The following CNTN5 variants were observed in gnomAD, a reference collection of about 807,000 sequenced individuals.
CNTN5 encodes contactin-5.
CNTN5 carries 77 observed loss-of-function variants against 129.1 expected under a neutral mutation model. The ratio of observed to expected loss-of-function variants is 0.60; its 90% CI spans 0.50 to 0.72. CNTN5 has a LOEUF of 0.72. Among genes scored for constraint, CNTN5 ranks in the 30% least tolerant of loss-of-function variants. The pLI is 0.00. For synonymous variants in CNTN5, 509 were observed against 465.6 expected, an observed-to-expected ratio of 1.09 and a Z score of -1.20; for missense variants, 1,478 against 1,328.8, an observed-to-expected ratio of 1.11 and a Z score of -1.75.
chr11:99,728,010 A>G (rs1245184976), intron 3 of CNTN5, among the ~76,000 whole-genome samples: 1 of 152,200 alleles, frequency 6.6e-6, no homozygotes, highest in Admixed American at 6.5e-5. Flanking sequence ...GTCTCTGACA[A>G]TCAACTAAAT....
At chr11:100,260,173 G>T (rs1950166945) in intron 17 of CNTN5, among the ~76,000 whole-genome samples, 1 of 152,084 alleles carries the variant, frequency 6.6e-6, no homozygotes, top group Non-Finnish European at 1.5e-5. Flanking sequence ...ACACCTCTTT[G>T]CAAATAAACT....
chr11:99,965,127 A>AT (rs571028329), intron 8 of CNTN5, among the ~76,000 whole-genome samples: 13 of 152,206 alleles, frequency 8.5e-5, no homozygotes, highest in East Asian at 1.9e-4. Flanking sequence ...GGATTCATTG[A>AT]TTTTTTGAAC....
chr11:99,598,311 T>C, intron 3 of CNTN5, among the ~76,000 whole-genome samples: 2 of 51,088 alleles, frequency 3.9e-5, no homozygotes, highest in Non-Finnish European at 3.5e-5. Flanking sequence ...TTTCTTTTCT[T>C]TTCTTTTCTT....
intron 9 of CNTN5, among the ~76,000 whole-genome samples, chr11:100,021,715 C>T (rs1314304706): frequency 6.6e-6 from 1 of 152,128 alleles, no homozygotes; most frequent in African/African-American, 2.4e-5. Flanking sequence ...CACATGATCA[C>T]AAGGTGAAGT....
At chr11:99,733,306 A>G (rs1295178955) in intron 3 of CNTN5, among the ~76,000 whole-genome samples, 2 of 142,578 alleles carry the variant, frequency 1.4e-5, no homozygotes, top group African/African-American at 2.8e-5. Context: ...TGAGCGACAG[A>G]GAGAGATTCT....
intron 21 of CNTN5, among the ~76,000 whole-genome samples, chr11:100,335,148 A>G (rs1438737143): frequency 7.0e-6 from 1 of 142,074 alleles, no homozygotes; most frequent in African/African-American, 2.6e-5. Flanking sequence ...TTTTGCTGTG[A>G]CTCTAAAATG....
rs1330201759 is a variant in CNTN5 at position 99,608,517 on chromosome 11, C to T, written c.55+52248C>T. 2.6e-5 allele frequency among the ~76,000 whole-genome samples: 4 copies of T among 152,102 alleles called. No individual in the cohort carries two copies. In the South Asian group the frequency reaches 8.3e-4, roughly 32 times the overall value. On this transcript the variant is annotated intron_variant, in intron 3 of 24. Transcript: ENST00000524871. Reference sequence around the variant, plus strand: ...GAGTTGATGAGATTGGGACCTAATCCAGTAAGCCTGGTTTCCTTATAAAAA... The same window carrying T: ...GAGTTGATGAGATTGGGACCTAATCTAGTAAGCCTGGTTTCCTTATAAAAA...
At chr11:100,032,582 T>C (rs1425051083) in intron 9 of CNTN5, among the ~76,000 whole-genome samples, 1 of 152,058 alleles carries the variant, frequency 6.6e-6, no homozygotes, top group African/African-American at 2.4e-5. Context: ...CTGGCCAGAA[T>C]TTTATACCAG....
intron 16 of CNTN5, 135 bp from the exon 17 acceptor site, chr11:100,255,625 G>T: frequency 1.4e-6 from 1 of 732,068 alleles, no homozygotes; most frequent in Non-Finnish European, 2.1e-6. Context: ...ACTTTTTGTT[G>T]TCAATTTTAA....
At chr11:99,542,056 G>T (rs1046646651) in intron 2 of CNTN5, among the ~76,000 whole-genome samples, 5 of 147,896 alleles carry the variant, frequency 3.4e-5, no homozygotes, top group Non-Finnish European at 3.0e-5. Context: ...GTTTTTAATT[G>T]TCATATAATA....
At chr11:99,919,313 CCTT>C (rs1949875858) in intron 7 of CNTN5, among the ~76,000 whole-genome samples, 1 of 151,806 alleles carries the variant, frequency 6.6e-6, no homozygotes, top group Non-Finnish European at 1.5e-5. Flanking sequence ...CAGCAGTACC[CCTT>C]CTTCTGCATT....
intron 3 of CNTN5, among the ~76,000 whole-genome samples, chr11:99,763,132 TCAA>T (rs143163506): frequency 0.044 from 5,367 of 120,970 alleles, 139 homozygotes; most frequent in South Asian, 0.11. Context: ...CTTTACTGTA[TCAA>T]CAATGTTTTC....
chr11:99,250,984 TG>T (rs1325182852), intron 1 of CNTN5, among the ~76,000 whole-genome samples: 2 of 151,912 alleles, frequency 1.3e-5, no homozygotes, highest in East Asian at 3.9e-4. Flanking sequence ...CAATTAGACT[TG>T]GGAAAAGAAA....
intron 10 of CNTN5, among the ~76,000 whole-genome samples, chr11:100,068,916 C>T (rs181155250): frequency 3.9e-5 from 6 of 152,248 alleles, no homozygotes; most frequent in Admixed American, 3.9e-4. Flanking sequence ...TTTCTTTAAC[C>T]TCTTTGAGTC....
chr11:99,307,152 G>A (rs1864913883), intron 1 of CNTN5, among the ~76,000 whole-genome samples: 1 of 152,104 alleles, frequency 6.6e-6, no homozygotes, highest in Non-Finnish European at 1.5e-5. Context: ...TATTTTCCTA[G>A]TGCCTCATAT....
At chr11:100,195,857 C>G (rs1014674759) in intron 15 of CNTN5, among the ~76,000 whole-genome samples, 1 of 151,980 alleles carries the variant, frequency 6.6e-6, no homozygotes, top group Non-Finnish European at 1.5e-5. Flanking sequence ...GAACAACATT[C>G]TGTTTCCCTT....
At chr11:100,271,641 CT>C (rs1346056884) in intron 18 of CNTN5, among the ~76,000 whole-genome samples, 1 of 152,266 alleles carries the variant, frequency 6.6e-6, no homozygotes, top group East Asian at 1.9e-4. Context: ...CCTTAGAACT[CT>C]TTTATGTTAC....
intron 1 of CNTN5, among the ~76,000 whole-genome samples, chr11:99,183,919 C>T (rs1242799856): frequency 6.6e-6 from 1 of 152,066 alleles, no homozygotes; most frequent in Non-Finnish European, 1.5e-5. Flanking sequence ...TTGCCCGTGT[C>T]AGTTAAACAA....
chr11:99,792,478 G>A (rs555001800), intron 3 of CNTN5, among the ~76,000 whole-genome samples: 50 of 151,102 alleles, frequency 3.3e-4, no homozygotes, highest in Admixed American at 1.8e-3. Context: ...GATATGGTTT[G>A]CTAGTATTTT....
Sources: allele counts gnomAD v4.1 joint callset (sites outside exome capture counted in the v4.1 genomes callset), GRCh38; gene constraint gnomAD v4.1.1; transcripts MANE v1.5; gene names NCBI Gene and HGNC (gene_info 2026-07-23, HGNC 2026-07-21).